The following FAM216A variants were observed in gnomAD, a reference collection of about 807,000 sequenced individuals.
FAM216A encodes the protein protein FAM216A.
In FAM216A, 26 loss-of-function variants were observed where a neutral mutation model predicts 37.6. The observed-to-expected ratio is 0.69, with a 90% CI of 0.51 to 0.96. The LOEUF (loss-of-function observed/expected upper bound fraction) is 0.96. Ranked by LOEUF, FAM216A falls within the 40% of genes least tolerant of loss-of-function variation. The probability of loss-of-function intolerance (pLI) is 0.00; values close to 1 mark genes in which losing one functional copy is unlikely to be tolerated. For missense variants in FAM216A, 326 were observed against 339.3 expected (o/e 0.96, Z 0.31); for synonymous variants, 110 against 121.7 (o/e 0.90, Z 0.64).
At chr12:110,472,783 G>C (rs1286236469) in intron 1 of FAM216A, among the ~76,000 whole-genome samples, 1 of 151,696 alleles carries the variant, frequency 6.6e-6, no homozygotes, top group African/African-American at 2.4e-5. Flanking sequence ...TCAGGAGTTT[G>C]AGACCAGCCT....
At chr12:110,475,936 C>A (rs2062712395) in intron 2 of FAM216A, among the ~76,000 whole-genome samples, 1 of 151,814 alleles carries the variant, frequency 6.6e-6, no homozygotes, top group Non-Finnish European at 1.5e-5. Context: ...AGGAGTCTTG[C>A]CAAGTTGCCC....
At chr12:110,468,779 G>A (rs1012958182), upstream of FAM216A, 7 of 1,468,298 alleles carry the variant, frequency 4.8e-6, no homozygotes, top group Admixed American at 9.3e-5. Context: ...AGCTGTTCGG[G>A]CAGTGTCCGA....
chr12:110,485,224 A>T, intron 3 of FAM216A, 25 bp downstream of exon 3: 2 of 1,591,744 alleles, frequency 1.3e-6, no homozygotes, highest in South Asian at 1.1e-5. Flanking sequence ...ACATATTTAA[A>T]TACCAATACT....
chr12:110,486,329 C>T lies in FAM216A; in HGVS notation c.311C>T (p.Pro104Leu). 3 of 1,605,162 alleles carry T rather than the reference C, an allele frequency of 1.9e-6. No homozygotes were observed. The highest frequency in any genetic ancestry group is 2.6e-6 in the Non-Finnish European group (3 of 1,174,580). ...TCCTCTTATTCTGTCTTTTAGCATC[C>T]AGACCTCACCACAGGCCAGAAGCGT... Reference protein sequence around the residue: ...SMMEASFFKHPDLTTGQKRYL... With the variant: ...SMMEASFFKHLDLTTGQKRYL... The change falls in exon 4 of 7, where the codon CCA becomes CTA. Residue 104 changes from proline to leucine, a missense_variant. Transcript: ENST00000377673.
At chr12:110,476,260 C>T (rs934722573) in intron 2 of FAM216A, among the ~76,000 whole-genome samples, 14 of 149,774 alleles carry the variant, frequency 9.3e-5, no homozygotes, top group African/African-American at 2.0e-4. Context: ...AGTCCAGTGG[C>T]GCGATCTCGG....
Position 110,486,460 on chromosome 12 carries a change from T to TCACAAAA in FAM216A, c.436+6_436+7insCACAAAA. 6.2e-7 allele frequency: 1 copy of TCACAAAA among 1,610,016 alleles called. No individual in the cohort carries two copies. The highest frequency in any genetic ancestry group is 8.5e-7 in the Non-Finnish European group (1 of 1,177,012). On this transcript the variant is annotated splice_region_variant and intron_variant, in intron 4 of 6. Coordinates refer to ENST00000377673, the MANE Select transcript of FAM216A (RefSeq NM_013300.3). ...GCACAGCTCACAAAAGCCAGGCAGG[T>TCACAAAA]GCACCTCCAGTTGTCTTTTCACTAG...
At chr12:110,485,246 G>A (rs1223841851) in intron 3 of FAM216A, 47 bp downstream of exon 3, 2 of 1,555,298 alleles carry the variant, frequency 1.3e-6, no homozygotes, top group Admixed American at 2.0e-5. Context: ...TTTGTATTCA[G>A]AGCCGAACTT....
chr12:110,489,529 T>C (rs191160417), intron 6 of FAM216A, among the ~76,000 whole-genome samples: 1 of 151,576 alleles, frequency 6.6e-6, no homozygotes, highest in Non-Finnish European at 1.5e-5. Flanking sequence ...TGAATTGATA[T>C]CCCATCACTG....
chr12:110,470,824 T>A (rs998197826), intron 1 of FAM216A, among the ~76,000 whole-genome samples: 6 of 150,934 alleles, frequency 4.0e-5, no homozygotes, highest in Non-Finnish European at 8.9e-5. Flanking sequence ...AAACTACAAT[T>A]AAAAAAAAAG....
rs564906746 is a variant in FAM216A, at chr12:110,487,789, T to G, written c.621-72T>G. 8.0e-6 allele frequency: 7 copies of G among 877,168 alleles called. No homozygotes were observed. The South Asian group carries it at 1.0e-4, about 13-fold the overall frequency. 54.3% of individuals were successfully genotyped at this position (877,168 alleles called of 1,614,324 possible). On this transcript the variant is annotated intron_variant, in intron 5 of 6. Transcript: ENST00000377673. ...GTTGGCAGCTAATAAAACAAATTTGTGTGGTCTTCCACATGCCCTAGGCAG... is the reference window on the plus strand; with the variant it reads ...GTTGGCAGCTAATAAAACAAATTTGGGTGGTCTTCCACATGCCCTAGGCAG...
At chr12:110,468,518 G>T, upstream of FAM216A, 1 of 1,537,280 alleles carries the variant, frequency 6.5e-7, no homozygotes, top group Non-Finnish European at 8.7e-7. Flanking sequence ...CTTGCGCCAC[G>T]TGCTTCGGTC....
At position 110,474,569 on chromosome 12, in the gene FAM216A, G is replaced by A. The variant is rs541893943; in HGVS notation, c.184+1451G>A. On this transcript the variant is annotated intron_variant, in intron 2 of 6. Transcript: ENST00000377673. ...TAGCCAGGTGTGGTGGTGCACGTCC[G>A]TAGTCCCAGCTACTCGGAAGGCTGA... Among the ~76,000 whole-genome samples the A allele has an allele frequency of 1.5e-4, 22 of 150,212 alleles. No homozygotes were observed. In the East Asian group the frequency reaches 2.0e-3, roughly 13 times the overall value.
intron 2 of FAM216A, among the ~76,000 whole-genome samples, chr12:110,475,344 C>T (rs1049117414): frequency 6.6e-6 from 1 of 151,918 alleles, no homozygotes; most frequent in Non-Finnish European, 1.5e-5. Context: ...CAGGTTCAAG[C>T]GATTCTCATG....
chr12:110,472,629 CATT>C (rs566878128), intron 1 of FAM216A, among the ~76,000 whole-genome samples: 406 of 152,124 alleles, frequency 2.7e-3, no homozygotes, highest in African/African-American at 8.8e-3. Context: ...ATTTGTAAGA[CATT>C]ATTTCTGATG....
At chr12:110,472,197 C>T (rs1397439333) in intron 1 of FAM216A, among the ~76,000 whole-genome samples, 1 of 151,386 alleles carries the variant, frequency 6.6e-6, no homozygotes. Flanking sequence ...CGCCATTGCA[C>T]TCCAGCCTGG....
chr12:110,469,487 T>A (rs762724238), intron 1 of FAM216A, among the ~76,000 whole-genome samples: 3 of 152,026 alleles, frequency 2.0e-5, no homozygotes, highest in Non-Finnish European at 4.4e-5. Context: ...AAACGGGGAT[T>A]TCTTTTTCTT....
chr12:110,478,019 T>C (rs1407757623), intron 2 of FAM216A, among the ~76,000 whole-genome samples: 1 of 152,176 alleles, frequency 6.6e-6, no homozygotes, highest in African/African-American at 2.4e-5. Flanking sequence ...ATGGACTTTT[T>C]CTAATTCCAT....
chr12:110,473,728 GA>G (rs954094744), intron 2 of FAM216A, among the ~76,000 whole-genome samples: 1 of 152,210 alleles, frequency 6.6e-6, no homozygotes, highest in Admixed American at 6.5e-5. Context: ...ATGGATAGAA[GA>G]AAAAAATTCT....
At chr12:110,469,178 G>A (rs557951785) in intron 1 of FAM216A, 160 bp downstream of exon 1, 4 of 850,634 alleles carry the variant, frequency 4.7e-6, no homozygotes, top group Non-Finnish European at 6.6e-6. Context: ...TTTTGTTGTG[G>A]ACAGAGGGCA....
Sources: gnomAD v4.1 joint callset for allele counts (sites outside exome capture counted in the v4.1 genomes callset) on GRCh38, gnomAD v4.1.1 for gene constraint, MANE v1.5 for transcripts, NCBI Gene and HGNC (gene_info 2026-07-23, HGNC 2026-07-21) for gene names.